Variants in NRXN1 observed in about 807,000 individuals in gnomAD.
The protein encoded by NRXN1 is neurexin-1.
Under a neutral mutation model 150.9 loss-of-function variants are expected in NRXN1, and 39 were observed. That is an observed-to-expected ratio of 0.26 (90% CI 0.20 to 0.34). The LOEUF is 0.34. Ranked by LOEUF, NRXN1 falls within the 10% of genes least tolerant of loss-of-function variation. The probability of loss-of-function intolerance (pLI) is 1.00; values close to 1 mark genes in which losing one functional copy is unlikely to be tolerated. For synonymous variants in NRXN1, 924 were observed against 757.0 expected, an observed-to-expected ratio of 1.22 and a Z score of -3.62; for missense variants, 1,815 against 1,949.9, an observed-to-expected ratio of 0.93 and a Z score of 1.30.
chr2:50,410,579 AAATG>A (rs951028215), intron 17 of NRXN1, among the ~76,000 whole-genome samples: 3 of 152,250 alleles, frequency 2.0e-5, no homozygotes, highest in Non-Finnish European at 4.4e-5. Flanking sequence ...GTAATCAGTA[AAATG>A]AATGAATGAA....
At position 50,802,349 on chromosome 2, in the gene NRXN1, G is replaced by C. The variant is rs553054676; in HGVS notation, c.832+119520C>G. 2.6e-4 allele frequency among the ~76,000 whole-genome samples: 39 copies of C among 152,180 alleles called. No homozygotes were observed. The South Asian group carries it at 7.1e-3, about 28-fold the overall frequency. ...TCAACTAAAAATACAAAAATTAGTG[G>C]AGCATGGTGGTGGGTGCCTGTAATC... is the stretch of plus-strand genomic sequence containing the variant. On this transcript the variant is annotated intron_variant, in intron 5 of 22. Coordinates refer to ENST00000401669, the MANE Select transcript of NRXN1 (RefSeq NM_001330078.2).
At chr2:50,551,071 A>G (rs867780537) in intron 9 of NRXN1, among the ~76,000 whole-genome samples, 19 of 131,028 alleles carry the variant, frequency 1.5e-4, no homozygotes, top group Middle Eastern at 4.0e-3. Flanking sequence ...AAGAAGAAGA[A>G]GAAGAGGAGG....
At chr2:50,763,494 C>T (rs1022048500) in intron 5 of NRXN1, among the ~76,000 whole-genome samples, 4 of 151,710 alleles carry the variant, frequency 2.6e-5, no homozygotes, top group Admixed American at 2.6e-4. Context: ...TCTCTTCTTC[C>T]CCCTCCTTCA....
At chr2:50,736,054 T>C (rs971153505) in intron 5 of NRXN1, among the ~76,000 whole-genome samples, 3 of 152,196 alleles carry the variant, frequency 2.0e-5, no homozygotes, top group Non-Finnish European at 2.9e-5. Context: ...CTCTTTAATA[T>C]GACCAAAAAG....
At chr2:50,505,426 A>G (rs1009932398) in intron 13 of NRXN1, among the ~76,000 whole-genome samples, 13 of 152,182 alleles carry the variant, frequency 8.5e-5, no homozygotes, top group Non-Finnish European at 1.8e-4. Flanking sequence ...TTCTGGCATG[A>G]TCTTGCCGTT....
chr2:50,746,344 G>C (rs879286560), intron 5 of NRXN1, among the ~76,000 whole-genome samples: 1 of 151,978 alleles, frequency 6.6e-6, no homozygotes, highest in African/African-American at 2.4e-5. Flanking sequence ...GACTGCTTGA[G>C]GTCAGGAGTT....
intron 21 of NRXN1, among the ~76,000 whole-genome samples, chr2:50,008,226 C>T (rs1426433567): frequency 6.6e-6 from 1 of 152,074 alleles, no homozygotes; most frequent in South Asian, 2.1e-4. Flanking sequence ...ATGATGACAT[C>T]TCCTAAGCAA....
At chr2:50,453,840 T>A (rs927798223) in intron 17 of NRXN1, among the ~76,000 whole-genome samples, 1 of 152,154 alleles carries the variant, frequency 6.6e-6, no homozygotes, top group Non-Finnish European at 1.5e-5. Context: ...AGAGAGCTTA[T>A]GTTATTGCTG....
At chr2:51,000,892 C>A (rs1358636012) in intron 2 of NRXN1, among the ~76,000 whole-genome samples, 4 of 151,890 alleles carry the variant, frequency 2.6e-5, no homozygotes, top group African/African-American at 9.7e-5. Context: ...TACTTAACTA[C>A]TCCTCCACTT....
intron 18 of NRXN1, among the ~76,000 whole-genome samples, chr2:50,198,788 T>C (rs2061943047): frequency 6.6e-6 from 1 of 152,148 alleles, no homozygotes; most frequent in Non-Finnish European, 1.5e-5. Flanking sequence ...GTCTTGAATA[T>C]TGCATGGTTT....
intron 15 of NRXN1, among the ~76,000 whole-genome samples, chr2:50,495,689 G>T (rs541365285): frequency 1.3e-5 from 2 of 151,988 alleles, no homozygotes; most frequent in African/African-American, 4.8e-5. Flanking sequence ...GCTTCCTTAG[G>T]TGCTGCATTT....
chr2:50,333,842 C>T (rs1294467055), intron 17 of NRXN1, among the ~76,000 whole-genome samples: 1 of 151,934 alleles, frequency 6.6e-6, no homozygotes, highest in East Asian at 2.0e-4. Context: ...TGTGTAAACA[C>T]CCACATTTTG....
At chr2:50,364,409 C>T (rs2079442162) in intron 17 of NRXN1, among the ~76,000 whole-genome samples, 1 of 152,108 alleles carries the variant, frequency 6.6e-6, no homozygotes, top group African/African-American at 2.4e-5. Flanking sequence ...AACCTGCCTC[C>T]TTCAGAAAAA....
intron 18 of NRXN1, among the ~76,000 whole-genome samples, chr2:50,200,855 T>G (rs1003321830): frequency 1.6e-4 from 25 of 152,166 alleles, no homozygotes; most frequent in African/African-American, 6.0e-4. Flanking sequence ...TGGCAAAACC[T>G]TCTCTCGTCT....
intron 17 of NRXN1, among the ~76,000 whole-genome samples, chr2:50,278,097 C>G (rs2070806083): frequency 7.7e-6 from 1 of 129,532 alleles, no homozygotes; most frequent in African/African-American, 2.9e-5. Context: ...GAGATGAAGT[C>G]TCACTCTGTT....
intron 2 of NRXN1, among the ~76,000 whole-genome samples, chr2:51,009,032 T>C (rs1190464022): frequency 6.6e-6 from 1 of 151,974 alleles, no homozygotes; most frequent in Admixed American, 6.6e-5. Context: ...TGTACTATTC[T>C]ACTAAATATC....
At chr2:50,768,753 C>T (rs1213164205) in intron 5 of NRXN1, among the ~76,000 whole-genome samples, 1 of 151,912 alleles carries the variant, frequency 6.6e-6, no homozygotes, top group African/African-American at 2.4e-5. Flanking sequence ...AAAATCACCA[C>T]GAAGTTCATA....
intron 5 of NRXN1, among the ~76,000 whole-genome samples, chr2:50,865,216 A>T (rs1381698344): frequency 6.6e-6 from 1 of 151,922 alleles, no homozygotes; most frequent in Non-Finnish European, 1.5e-5. Flanking sequence ...ATATTCAGGT[A>T]TTATCTTTCA....
intron 17 of NRXN1, among the ~76,000 whole-genome samples, chr2:50,333,482 T>C (rs1413902014): frequency 1.3e-5 from 2 of 152,030 alleles, no homozygotes; most frequent in Non-Finnish European, 2.9e-5. Context: ...CAGGCTCCTA[T>C]AGAAATCAGT....
Sources: allele counts gnomAD v4.1 joint callset (sites outside exome capture counted in the v4.1 genomes callset), GRCh38; gene constraint gnomAD v4.1.1; transcripts MANE v1.5; gene names NCBI Gene and HGNC (gene_info 2026-07-23, HGNC 2026-07-21).